The following PRKD1 variants were observed in gnomAD, a reference collection of about 807,000 sequenced individuals.
PRKD1 encodes the protein protein kinase D1, also known as serine/threonine-protein kinase D1.
Under a neutral mutation model 95.9 loss-of-function variants are expected in PRKD1, and 63 were observed. The observed-to-expected ratio is 0.66, with a 90% confidence interval of 0.54 to 0.81. The LOEUF is 0.81. PRKD1 is among the 30% of genes least tolerant of loss of function. The probability of loss-of-function intolerance (pLI) is 0.00; values close to 1 mark genes in which losing one functional copy is unlikely to be tolerated. For missense variants in PRKD1, 1,048 were observed against 1,165.3 expected (o/e 0.90, Z 1.47); for synonymous variants, 425 against 423.1 (o/e 1.00, Z -0.05).
chr14:29,803,057 A>G (rs1032658564), intron 1 of PRKD1, among the ~76,000 whole-genome samples: 1 of 152,230 alleles, frequency 6.6e-6, no homozygotes, highest in Admixed American at 6.5e-5. Context: ...GTCAAAAGCC[A>G]TGCAAGACTA....
intron 1 of PRKD1, chr14:29,812,168 A>T (rs1890515849): frequency 6.6e-6 from 1 of 152,180 alleles, no homozygotes; most frequent in Non-Finnish European, 1.5e-5. Context: ...ATTGAGAAAA[A>T]CCATGCAGAG....
At position 29,880,229 on chromosome 14, in the gene PRKD1, A is replaced by C. The variant is rs1362406108; in HGVS notation, c.264+47020T>G. Among the ~76,000 whole-genome samples, 2 of 152,286 alleles carry C rather than the reference A, an allele frequency of 1.3e-5. 1 individual carries two copies. The highest frequency in any genetic ancestry group is 6.8e-3 in the Middle Eastern group (2 of 294). On this transcript the variant is annotated intron_variant, in intron 1 of 17. Transcript: ENST00000331968. ...AACAGTAGTTTCGAGGGCCAGGCCC[A>C]GGGTCCCCTTGCTGAGTGCAGCCTG...
intron 2 of PRKD1, among the ~76,000 whole-genome samples, chr14:29,675,614 C>A (rs1007847304): frequency 1.4e-4 from 21 of 152,248 alleles, no homozygotes; most frequent in African/African-American, 5.1e-4. Context: ...TTTGACCCAG[C>A]CATCCCATTA....
intron 1 of PRKD1, among the ~76,000 whole-genome samples, chr14:29,812,428 C>T (rs1196156309): frequency 2.0e-5 from 3 of 152,186 alleles, no homozygotes; most frequent in African/African-American, 7.2e-5. Context: ...TGTTATTCCT[C>T]CTCTCAGGAG....
chr14:29,745,372 G>A (rs1053293056), intron 1 of PRKD1, among the ~76,000 whole-genome samples: 44 of 152,252 alleles, frequency 2.9e-4, no homozygotes, highest in African/African-American at 9.9e-4. Context: ...CTGGTACACC[G>A]TACATGCTCA....
intron 1 of PRKD1, among the ~76,000 whole-genome samples, chr14:29,761,252 C>T (rs1382428679): frequency 6.6e-6 from 1 of 152,180 alleles, no homozygotes; most frequent in African/African-American, 2.4e-5. Flanking sequence ...TTGAACTGAT[C>T]ACAATGAACA....
rs183309911 is a variant in PRKD1, at chr14:29,822,646, C to T, written c.265-96972G>A. Reference sequence around the variant, plus strand: ...TGTTTGCAGGCAGCTAATGTTCTGCCCTTTACTTTAGGTACATAGTATCTA... The same window carrying T: ...TGTTTGCAGGCAGCTAATGTTCTGCTCTTTACTTTAGGTACATAGTATCTA... On this transcript the variant is annotated intron_variant, in intron 1 of 17. Transcript: ENST00000331968. 5.0e-3 allele frequency among the ~76,000 whole-genome samples: 755 copies of T among 152,146 alleles called. 2 individuals carry two copies. The highest frequency in any genetic ancestry group is 0.011 in the Admixed American group (174 of 15,290).
chr14:29,803,164 A>G (rs1459137086), intron 1 of PRKD1, among the ~76,000 whole-genome samples: 1 of 152,216 alleles, frequency 6.6e-6, no homozygotes, highest in African/African-American at 2.4e-5. Context: ...ATTAAGGATA[A>G]GAAGTATTTC....
chr14:29,920,019 AG>A lies in PRKD1; in HGVS notation c.264+7229del, dbSNP rs1895036552. Among the ~76,000 whole-genome samples, 3 of 37,982 alleles carry A rather than the reference AG, an allele frequency of 7.9e-5. No homozygotes were observed. The Admixed American group carries it at 1.1e-3, about 13-fold the overall frequency. 24.9% of individuals were successfully genotyped at this position (37,982 alleles called of 152,430 possible). A position where few individuals can be genotyped will look rare whatever the true frequency, so the allele number is the denominator to read the frequency against. ...AAGGAAGGTAGGAAGGAAGGAGGGA[AG>A]GAAGGAAGGAAGGAAGGAAGGAAGG... On this transcript the variant is annotated intron_variant, in intron 1 of 17. Coordinates refer to ENST00000331968, the MANE Select transcript of PRKD1 (RefSeq NM_002742.3).
At chr14:29,687,435 T>A (rs1358904903) in intron 2 of PRKD1, among the ~76,000 whole-genome samples, 1 of 152,210 alleles carries the variant, frequency 6.6e-6, no homozygotes, top group African/African-American at 2.4e-5. Flanking sequence ...CTCTATCAGC[T>A]AGGTATACCA....
At chr14:29,601,824 C>A (rs887886699) in intron 13 of PRKD1, among the ~76,000 whole-genome samples, 3 of 152,154 alleles carry the variant, frequency 2.0e-5, no homozygotes, top group African/African-American at 7.2e-5. Context: ...TCCTTACATG[C>A]CTTTCCCTGT....
intron 4 of PRKD1, among the ~76,000 whole-genome samples, chr14:29,653,228 T>C (rs1881620957): frequency 6.6e-6 from 1 of 152,128 alleles, no homozygotes; most frequent in Non-Finnish European, 1.5e-5. Flanking sequence ...TTAAAGGATA[T>C]AAAATGGTCA....
At chr14:29,841,894 A>T (rs973793880) in intron 1 of PRKD1, among the ~76,000 whole-genome samples, 6 of 151,870 alleles carry the variant, frequency 4.0e-5, no homozygotes, top group African/African-American at 1.4e-4. Flanking sequence ...CCCCAAAAAA[A>T]ATTTTCTTTT....
chr14:29,783,695 A>G (rs531303399), intron 1 of PRKD1, among the ~76,000 whole-genome samples: 1 of 152,096 alleles, frequency 6.6e-6, no homozygotes, highest in African/African-American at 2.4e-5. Flanking sequence ...AACTGGGACG[A>G]GATATCTCAC....
intron 4 of PRKD1, among the ~76,000 whole-genome samples, chr14:29,642,229 T>A (rs1425449716): frequency 6.6e-6 from 1 of 152,164 alleles, no homozygotes; most frequent in Non-Finnish European, 1.5e-5. Flanking sequence ...AATGATGTGA[T>A]CACAAACTAA....
chr14:29,882,997 T>C (rs1301236194), intron 1 of PRKD1, among the ~76,000 whole-genome samples: 1 of 152,180 alleles, frequency 6.6e-6, no homozygotes, highest in Non-Finnish European at 1.5e-5. Context: ...TTGGGTAATT[T>C]ATAAAGAAAA....
At chr14:29,863,507 TG>T (rs758026365) in intron 1 of PRKD1, among the ~76,000 whole-genome samples, 18 of 152,188 alleles carry the variant, frequency 1.2e-4, no homozygotes, top group Non-Finnish European at 2.2e-4. Flanking sequence ...CACTCTACTT[TG>T]TTTAAAACAA....
chr14:29,792,337 T>C (rs1288978395), intron 1 of PRKD1, among the ~76,000 whole-genome samples: 1 of 152,104 alleles, frequency 6.6e-6, no homozygotes, highest in Non-Finnish European at 1.5e-5. Flanking sequence ...AAATGAAATA[T>C]CTTATGTAAG....
intron 1 of PRKD1, among the ~76,000 whole-genome samples, chr14:29,752,795 A>T (rs1887539203): frequency 6.6e-6 from 1 of 152,120 alleles, no homozygotes; most frequent in Admixed American, 6.6e-5. Flanking sequence ...TACATAAAAA[A>T]AGTAAAAAGA....
Sources: allele counts gnomAD v4.1 joint callset (sites outside exome capture counted in the v4.1 genomes callset), GRCh38; gene constraint gnomAD v4.1.1; transcripts MANE v1.5; gene names NCBI Gene and HGNC (gene_info 2026-07-23, HGNC 2026-07-21).